SIRPA: variants seen among roughly 807,000 people sequenced by gnomAD.
The protein encoded by SIRPA is tyrosine-protein phosphatase non-receptor type substrate 1.
In SIRPA, 9 loss-of-function variants were observed where a neutral mutation model predicts 50.3. The observed-to-expected ratio is 0.18, with a 90% CI of 0.11 to 0.31. The LOEUF (loss-of-function observed/expected upper bound fraction) is 0.31, where lower values mean the gene tolerates loss of function less well. SIRPA is among the 10% of genes least tolerant of loss of function. The pLI, the probability that SIRPA is intolerant of heterozygous loss-of-function variation, is 1.00. For missense variants in SIRPA, 474 were observed against 661.6 expected (o/e 0.72, Z 3.11); for synonymous variants, 265 against 284.1 (o/e 0.93, Z 0.68).
intron 4 of SIRPA, among the ~76,000 whole-genome samples, chr20:1,923,974 T>TTGGC (rs749873589): frequency 3.5e-4 from 48 of 136,530 alleles, no homozygotes; most frequent in South Asian, 2.0e-3. Context: ...AGTCAGTTGG[T>TTGGC]TGGCTGGTTG....
rs567451296 is a variant in SIRPA, at chr20:1,937,767, C to G, written c.*199C>G. ...TCCTGGGCAGCCACGGCCCCCTCCCCCCACATTGCCACATACCTGGAGGCT... is the reference window on the plus strand; with the variant it reads ...TCCTGGGCAGCCACGGCCCCCTCCCGCCACATTGCCACATACCTGGAGGCT... On this transcript the variant is annotated 3_prime_UTR_variant, in exon 8 of 8. Coordinates refer to ENST00000358771, the MANE Select transcript of SIRPA (RefSeq NM_001040023.2). This position sits in a 1 kb window ranked among gnomAD's most constrained non-coding sequence, Gnocchi z 8.3. 3 of 667,122 alleles carry G rather than the reference C, an allele frequency of 4.5e-6. No individual in the cohort carries two copies. Among genetic ancestry groups the G allele is most frequent in the African/African-American group, 3.6e-5 (2 of 55,304 alleles). The allele number at this position is 667,122 out of a possible 1,614,324, so 41.3% of individuals were successfully genotyped here. A position where few individuals can be genotyped will look rare whatever the true frequency, so the allele number is the denominator to read the frequency against.
At position 1,895,537 on chromosome 20, in the gene SIRPA, C is replaced by A. The variant is rs1983744226; in HGVS notation, c.79+11C>A. 3 of 1,441,338 alleles carry A rather than the reference C, an allele frequency of 2.1e-6. No individual in the cohort carries two copies. The highest frequency in any genetic ancestry group is 3.0e-5 in the East Asian group (1 of 33,150). 89.3% of individuals were successfully genotyped at this position (1,441,338 alleles called of 1,614,324 possible). On this transcript the variant is annotated intron_variant, in intron 1 of 7. Transcript: ENST00000358771. ...CCTGCGCCTGGTCAGGTAAGCACCC[C>A]CCCGCTCCCCACCGCTGCACTCCCC... is the stretch of plus-strand genomic sequence containing the variant.
rs1281924106 is a variant in SIRPA at position 1,904,938 on chromosome 20, G to A, written c.79+9412G>A. On this transcript the variant is annotated intron_variant, in intron 1 of 7. Coordinates refer to ENST00000358771, the MANE Select transcript of SIRPA (RefSeq NM_001040023.2). ...CCTGAATTGGAGTCCAGCATGTGCC[G>A]CTTACTGGCTGTGTGCTCTGGGGCA... is the stretch of plus-strand genomic sequence containing the variant. Among the ~76,000 whole-genome samples, 5 of 152,090 alleles carry A rather than the reference G, an allele frequency of 3.3e-5. No individual in the cohort carries two copies. The East Asian group carries it at 5.8e-4, about 18-fold the overall frequency.
chr20:1,904,771 G>T (rs1194140547), intron 1 of SIRPA, among the ~76,000 whole-genome samples: 2 of 152,182 alleles, frequency 1.3e-5, no homozygotes, highest in Non-Finnish European at 2.9e-5. Flanking sequence ...GTGACCGGGA[G>T]GCTTGGCTCG....
In SIRPA at chr20:1,928,249, C is replaced by T. The variant is rs529892079; in HGVS notation, c.1226+350C>T. On this transcript the variant is annotated intron_variant, in intron 6 of 7. Coordinates refer to ENST00000358771, the MANE Select transcript of SIRPA (RefSeq NM_001040023.2). The surrounding 1 kb of genome is among the most constrained non-coding windows in gnomAD (Gnocchi z 4.9). ...CATCCTCCCAGATCCAAGTTGTATACTTTACTCTTTCCTTTGTTTAGTAAA... is the reference window on the plus strand; with the variant it reads ...CATCCTCCCAGATCCAAGTTGTATATTTTACTCTTTCCTTTGTTTAGTAAA... Among the ~76,000 whole-genome samples, 2 of 152,292 alleles carry T rather than the reference C, an allele frequency of 1.3e-5. No homozygotes were observed. The highest frequency in any genetic ancestry group is 2.9e-5 in the Non-Finnish European group (2 of 68,028).
chr20:1,924,928 C>T lies in SIRPA; in HGVS notation c.1201+51C>T, dbSNP rs369521600. On this transcript the variant is annotated intron_variant, in intron 5 of 7. Transcript: ENST00000358771. This position sits in a 1 kb window ranked among gnomAD's most constrained non-coding sequence, Gnocchi z 4.5. ...TAAGGGTTTGTCCCTGGACTGTCCT[C>T]GGAGGGAGACGCCATTAGGTGCTTT... 91 of 1,417,310 alleles carry T rather than the reference C, an allele frequency of 6.4e-5. No homozygotes were observed. Among genetic ancestry groups the T allele is most frequent in the Admixed American group, 5.5e-4 (32 of 58,340 alleles). 87.8% of individuals were successfully genotyped at this position (1,417,310 alleles called of 1,614,324 possible). A position where few individuals can be genotyped will look rare whatever the true frequency, so the allele number is the denominator to read the frequency against.
rs887162841 is a variant in SIRPA at position 1,936,080 on chromosome 20, T to G, written c.1267-1240T>G. ...AGGGTTGTGGTAAGAGTGGATGGGGTGATCTATGTGATTGTGTGCTGCTTG... is the reference window on the plus strand; with the variant it reads ...AGGGTTGTGGTAAGAGTGGATGGGGGGATCTATGTGATTGTGTGCTGCTTG... On this transcript the variant is annotated intron_variant, in intron 7 of 7. Transcript: ENST00000358771. The surrounding 1 kb of genome is among the most constrained non-coding windows in gnomAD (Gnocchi z 4.2). Among the ~76,000 whole-genome samples, 30 of 151,820 alleles carry G rather than the reference T, an allele frequency of 2.0e-4. No homozygotes were observed. Among genetic ancestry groups the G allele is most frequent in the Non-Finnish European group, 3.7e-4 (25 of 67,982 alleles).
chr20:1,899,210 A>C (rs1160082356), intron 1 of SIRPA, among the ~76,000 whole-genome samples: 1 of 151,762 alleles, frequency 6.6e-6, no homozygotes, highest in Non-Finnish European at 1.5e-5. Flanking sequence ...TTCTTTAAAA[A>C]AAAAAAACAA....
chr20:1,940,087 C>T lies in SIRPA; in HGVS notation c.*2519C>T, dbSNP rs142588779. ...TTGTTTGCCCTGGCTCAGAAGGAGCCGGTGTAAGGTTGAGATAAAATTCCA... is the reference window on the plus strand; with the variant it reads ...TTGTTTGCCCTGGCTCAGAAGGAGCTGGTGTAAGGTTGAGATAAAATTCCA... On this transcript the variant is annotated 3_prime_UTR_variant, in exon 8 of 8. Coordinates refer to ENST00000358771, the MANE Select transcript of SIRPA (RefSeq NM_001040023.2). The T allele has an allele frequency of 2.0e-5, 3 of 152,264 alleles. No homozygotes were observed. Among genetic ancestry groups the T allele is most frequent in the East Asian group, 1.9e-4 (1 of 5,188 alleles). The allele number at this position is 152,264 out of a possible 1,614,324, so 9.4% of individuals were successfully genotyped here.
intron 1 of SIRPA, among the ~76,000 whole-genome samples, chr20:1,909,105 A>G (rs957378784): frequency 8.5e-5 from 13 of 152,190 alleles, no homozygotes; most frequent in African/African-American, 2.7e-4. Context: ...ATGATGAGGG[A>G]AGAAGGGAGC....
At chr20:1,901,423 G>A (rs573112707) in intron 1 of SIRPA, among the ~76,000 whole-genome samples, 7 of 151,994 alleles carry the variant, frequency 4.6e-5, no homozygotes, top group South Asian at 4.2e-4. Flanking sequence ...CTCCCGCCTC[G>A]GCCTCCCAAA....
At position 1,927,472 on chromosome 20, in the gene SIRPA, G is replaced by C. The variant is rs1381362101; in HGVS notation, c.1202-403G>C. Among the ~76,000 whole-genome samples the C allele has an allele frequency of 6.6e-6, 1 of 152,204 alleles. No homozygotes were observed. Among genetic ancestry groups the C allele is most frequent in the Admixed American group, 6.5e-5 (1 of 15,280 alleles). On this transcript the variant is annotated intron_variant, in intron 5 of 7. Transcript: ENST00000358771. This position sits in a 1 kb window ranked among gnomAD's most constrained non-coding sequence, Gnocchi z 6.5. ...GGTAGCAGACCCGGGGTTCACACAT[G>C]ATCCCCGATTTGCAGCCCTGCTAGA...
At chr20:1,926,777 GACCATGTCTAGGACC>G (rs1340175009) in intron 5 of SIRPA, among the ~76,000 whole-genome samples, 2 of 152,166 alleles carry the variant, frequency 1.3e-5, no homozygotes, top group African/African-American at 4.8e-5. Flanking sequence ...TAAACCCAAG[GACCATGTCTAGGACC>G]ACCTTGCACA....
At chr20:1,921,182 C>T (rs984700563) in intron 2 of SIRPA, among the ~76,000 whole-genome samples, 1 of 152,200 alleles carries the variant, frequency 6.6e-6, no homozygotes, top group African/African-American at 2.4e-5. Flanking sequence ...GGGCCCTGCC[C>T]CTACACTGTC....
chr20:1,912,560 A>G (rs2123070014), intron 1 of SIRPA, among the ~76,000 whole-genome samples: 1 of 152,378 alleles, frequency 6.6e-6, no homozygotes, highest in Admixed American at 6.5e-5. Context: ...ACATCCTACT[A>G]TTGGGAATGT....
chr20:1,921,797 G>A (rs1307561683), intron 3 of SIRPA, 85 bp downstream of exon 3: 5 of 1,483,018 alleles, frequency 3.4e-6, no homozygotes, highest in Non-Finnish European at 4.6e-6. Flanking sequence ...CTCTACTCTT[G>A]CTCCAGGGCT....
chr20:1,916,443 T>C (rs1568502913), intron 2 of SIRPA, among the ~76,000 whole-genome samples: 1 of 152,206 alleles, frequency 6.6e-6, no homozygotes. Flanking sequence ...TCATTAGCCA[T>C]TGTTTACATA....
At chr20:1,926,781 A>G (rs905461420) in intron 5 of SIRPA, among the ~76,000 whole-genome samples, 19 of 152,150 alleles carry the variant, frequency 1.2e-4, no homozygotes, top group African/African-American at 4.6e-4. Flanking sequence ...CCCAAGGACC[A>G]TGTCTAGGAC....
chr20:1,907,652 C>T (rs1428752371), intron 1 of SIRPA, among the ~76,000 whole-genome samples: 1 of 152,216 alleles, frequency 6.6e-6, no homozygotes, highest in Non-Finnish European at 1.5e-5. Flanking sequence ...CTTGCAACAC[C>T]GATCGCCATG....
Sources: allele counts gnomAD v4.1 joint callset (sites outside exome capture counted in the v4.1 genomes callset), GRCh38; gene constraint gnomAD v4.1.1; non-coding constraint Gnocchi (gnomAD v3.1); transcripts MANE v1.5; gene names NCBI Gene and HGNC (gene_info 2026-07-23, HGNC 2026-07-21).